The following CADM2 variants were observed in gnomAD, a reference collection of about 807,000 sequenced individuals.
CADM2 encodes cell adhesion molecule 2, also known as immunoglobulin superfamily member 4D.
A neutral mutation model predicts 49.8 loss-of-function variants in CADM2; 12 were observed. That is an observed-to-expected ratio of 0.24 (90% CI 0.15 to 0.39). The LOEUF is 0.39. CADM2 is among the 10% of genes least tolerant of loss of function. The pLI, the probability that CADM2 is intolerant of heterozygous loss-of-function variation, is 1.00. For synonymous variants in CADM2, 214 were observed against 175.4 expected (o/e 1.22, Z -1.74); for missense variants, 378 against 492.3 (o/e 0.77, Z 2.20).
At chr3:85,510,208 C>G (rs7613660) in intron 1 of CADM2, among the ~76,000 whole-genome samples, 2 of 151,772 alleles carry the variant, frequency 1.3e-5, no homozygotes, top group Non-Finnish European at 1.5e-5. Flanking sequence ...CTATGTGTAT[C>G]TAAGAATATT....
At chr3:85,263,554 A>G (rs914395861) in intron 1 of CADM2, among the ~76,000 whole-genome samples, 12 of 152,252 alleles carry the variant, frequency 7.9e-5, no homozygotes, top group African/African-American at 1.2e-4. Flanking sequence ...TTGAGTTCAC[A>G]TAGTGCCATT....
At chr3:85,120,826 A>G (rs904828013) in intron 1 of CADM2, among the ~76,000 whole-genome samples, 2 of 152,102 alleles carry the variant, frequency 1.3e-5, no homozygotes, top group African/African-American at 4.8e-5. Context: ...TAATAAAAAG[A>G]AAATGAAAAT....
chr3:84,988,291 C>T (rs2032695710), intron 1 of CADM2, among the ~76,000 whole-genome samples: 1 of 152,214 alleles, frequency 6.6e-6, no homozygotes, highest in South Asian at 2.1e-4. Flanking sequence ...GCACATTTTT[C>T]CTACTTCTAT....
At chr3:85,479,764 C>T (rs576476925) in intron 1 of CADM2, among the ~76,000 whole-genome samples, 1 of 151,890 alleles carries the variant, frequency 6.6e-6, no homozygotes, top group African/African-American at 2.4e-5. Context: ...TAGGCAGTAA[C>T]TCACTTAAGA....
chr3:85,366,051 T>G lies in CADM2; in HGVS notation c.62-360471T>G, dbSNP rs948505914. ...CATACTTCAAGTAAGTGAAGTCTTC[T>G]TAGAAGTACAAGTAAATACTTAATG... is the stretch of plus-strand genomic sequence containing the variant. On this transcript the variant is annotated intron_variant, in intron 1 of 9. Transcript: ENST00000383699. Among the ~76,000 whole-genome samples, 8 of 152,306 alleles carry G rather than the reference T, an allele frequency of 5.3e-5. No individual in the cohort carries two copies. The East Asian group carries it at 1.5e-3, about 29-fold the overall frequency.
intron 1 of CADM2, among the ~76,000 whole-genome samples, chr3:84,961,024 T>A (rs2030457533): frequency 6.6e-6 from 1 of 152,182 alleles, no homozygotes; most frequent in South Asian, 2.1e-4. Context: ...ATTTTTTTTC[T>A]TTGCCTGCCT....
At chr3:85,882,223 A>T (rs1577555822) in intron 3 of CADM2, among the ~76,000 whole-genome samples, 1 of 149,778 alleles carries the variant, frequency 6.7e-6, no homozygotes, top group Non-Finnish European at 1.5e-5. Context: ...ATCTGCTCAG[A>T]ACCTCTAGAT....
chr3:85,310,564 C>G (rs1254655155), intron 1 of CADM2, among the ~76,000 whole-genome samples: 1 of 152,112 alleles, frequency 6.6e-6, no homozygotes, highest in Non-Finnish European at 1.5e-5. Context: ...TATTTCATTA[C>G]TTTAGGCAGC....
chr3:85,730,243 A>T (rs1402719677), intron 2 of CADM2, among the ~76,000 whole-genome samples: 1 of 152,058 alleles, frequency 6.6e-6, no homozygotes, highest in Non-Finnish European at 1.5e-5. Flanking sequence ...GGAATTTGAG[A>T]TCAGCCTGGC....
intron 1 of CADM2, among the ~76,000 whole-genome samples, chr3:85,205,597 G>T (rs890141574): frequency 6.6e-6 from 1 of 151,926 alleles, no homozygotes; most frequent in Non-Finnish European, 1.5e-5. Context: ...TTCAAATTAT[G>T]TTTAAAAAGA....
At chr3:85,235,681 A>G (rs528232518) in intron 1 of CADM2, among the ~76,000 whole-genome samples, 7 of 152,138 alleles carry the variant, frequency 4.6e-5, no homozygotes, top group Non-Finnish European at 8.8e-5. Context: ...ACAAGTATAT[A>G]GTATTTTGAA....
chr3:85,060,362 G>T (rs1400839358), intron 1 of CADM2, among the ~76,000 whole-genome samples: 1 of 151,800 alleles, frequency 6.6e-6, no homozygotes, highest in Non-Finnish European at 1.5e-5. Context: ...CCTGACCTCA[G>T]GTGATCCACC....
chr3:86,008,830 G>A (rs1731110674), intron 8 of CADM2, among the ~76,000 whole-genome samples: 1 of 147,290 alleles, frequency 6.8e-6, no homozygotes, highest in Admixed American at 6.8e-5. Context: ...TAATTTTGAC[G>A]ATTTTTTCCA....
At chr3:85,453,322 T>A (rs2037837673) in intron 1 of CADM2, among the ~76,000 whole-genome samples, 1 of 152,108 alleles carries the variant, frequency 6.6e-6, no homozygotes, top group Non-Finnish European at 1.5e-5. Context: ...TCCTTTAACA[T>A]TGGTTTCCAT....
chr3:85,068,107 C>A (rs2036588945), intron 1 of CADM2, among the ~76,000 whole-genome samples: 1 of 152,152 alleles, frequency 6.6e-6, no homozygotes, highest in Non-Finnish European at 1.5e-5. Context: ...TTAACGCAGA[C>A]TTTAGAGAAT....
intron 1 of CADM2, among the ~76,000 whole-genome samples, chr3:85,480,464 T>C (rs1026202655): frequency 1.3e-5 from 2 of 151,836 alleles, no homozygotes; most frequent in African/African-American, 4.8e-5. Flanking sequence ...GCCTCATATT[T>C]GCGTGACTCA....
At chr3:85,944,794 T>A (rs896197296) in intron 7 of CADM2, among the ~76,000 whole-genome samples, 2 of 151,746 alleles carry the variant, frequency 1.3e-5, no homozygotes, top group Non-Finnish European at 2.9e-5. Flanking sequence ...AGAGGGAAAT[T>A]TATAGCACTA....
intron 1 of CADM2, among the ~76,000 whole-genome samples, chr3:85,482,669 C>G (rs1248453209): frequency 1.3e-5 from 2 of 151,616 alleles, no homozygotes; most frequent in Admixed American, 6.6e-5. Context: ...TTCATATTGA[C>G]AGAACACCTC....
At chr3:86,000,594 G>A (rs1331659408) in intron 8 of CADM2, among the ~76,000 whole-genome samples, 6 of 151,982 alleles carry the variant, frequency 3.9e-5, no homozygotes, top group Admixed American at 3.3e-4. Flanking sequence ...TGAGTAAGAT[G>A]TGAAGTTGGG....
Sources: gnomAD v4.1 joint callset for allele counts (sites outside exome capture counted in the v4.1 genomes callset) on GRCh38, gnomAD v4.1.1 for gene constraint, MANE v1.5 for transcripts, NCBI Gene and HGNC (gene_info 2026-07-23, HGNC 2026-07-21) for gene names.